DENND1A: variants seen among roughly 807,000 people sequenced by gnomAD.
DENND1A encodes the protein DENN domain containing 1A, also known as DENN domain-containing protein 1A.
DENND1A carries 51 observed loss-of-function variants against 113.7 expected under a neutral mutation model. The observed-to-expected ratio is 0.45, with a 90% CI of 0.36 to 0.57. The LOEUF is 0.57. Ranked by LOEUF, DENND1A falls within the 20% of genes least tolerant of loss-of-function variation. DENND1A has a pLI of 0.00. For synonymous variants in DENND1A, 565 were observed against 570.8 expected (o/e 0.99, Z 0.14); for missense variants, 1,258 against 1,395.9 (o/e 0.90, Z 1.57).
intron 2 of DENND1A, among the ~76,000 whole-genome samples, chr9:123,873,021 G>A (rs1846895744): frequency 6.6e-6 from 1 of 152,122 alleles, no homozygotes; most frequent in Admixed American, 6.5e-5. Flanking sequence ...AGATACTTTG[G>A]CACAGATCAG....
At chr9:123,739,552 T>A (rs920953491) in intron 5 of DENND1A, among the ~76,000 whole-genome samples, 5 of 152,156 alleles carry the variant, frequency 3.3e-5, no homozygotes, top group African/African-American at 9.7e-5. Flanking sequence ...AGCTTAGATA[T>A]GACTTGCAGC....
intron 2 of DENND1A, among the ~76,000 whole-genome samples, chr9:123,873,692 A>G (rs1044178531): frequency 5.9e-5 from 9 of 152,216 alleles, no homozygotes; most frequent in Non-Finnish European, 1.2e-4. Flanking sequence ...CATCCAATAG[A>G]AAACTAATAT....
intron 13 of DENND1A, among the ~76,000 whole-genome samples, chr9:123,474,000 T>C (rs1219581706): frequency 2.9e-5 from 4 of 137,506 alleles, no homozygotes; most frequent in Admixed American, 7.3e-5. Context: ...TTTTTTTTTT[T>C]TTTTTTTTTT....
intron 13 of DENND1A, among the ~76,000 whole-genome samples, chr9:123,527,407 G>A (rs1446681134): frequency 6.6e-6 from 1 of 152,162 alleles, no homozygotes; most frequent in Non-Finnish European, 1.5e-5. Context: ...TAAGCTTCAT[G>A]ATGTAGCTTA....
intron 1 of DENND1A, among the ~76,000 whole-genome samples, chr9:123,908,972 G>C (rs1853432745): frequency 1.3e-5 from 2 of 152,108 alleles, no homozygotes; most frequent in Admixed American, 1.3e-4. Context: ...TGATAGACTG[G>C]ATTAAGAAAA....
chr9:123,923,735 GT>G (rs1300239924), intron 1 of DENND1A, among the ~76,000 whole-genome samples: 1 of 151,952 alleles, frequency 6.6e-6, no homozygotes, highest in Non-Finnish European at 1.5e-5. Context: ...CTTTCTTTCA[GT>G]TCAAGTTCCA....
intron 2 of DENND1A, among the ~76,000 whole-genome samples, chr9:123,798,715 G>A (rs1834139041): frequency 7.4e-6 from 1 of 135,810 alleles, no homozygotes; most frequent in African/African-American, 2.8e-5. Context: ...AGGGTAGGGT[G>A]TGCTGGAGGC....
chr9:123,712,511 T>G (rs1281181597), intron 5 of DENND1A, among the ~76,000 whole-genome samples: 2 of 152,180 alleles, frequency 1.3e-5, no homozygotes, highest in Admixed American at 1.3e-4. Flanking sequence ...GATGGAGATT[T>G]AAAAAGACAA....
chr9:123,777,681 T>C (rs1830662184), intron 3 of DENND1A, among the ~76,000 whole-genome samples: 1 of 152,240 alleles, frequency 6.6e-6, no homozygotes, highest in Non-Finnish European at 1.5e-5. Context: ...GTAATATACC[T>C]AACCTTCTGC....
At chr9:123,555,886 G>A (rs2057387035) in intron 13 of DENND1A, among the ~76,000 whole-genome samples, 1 of 152,166 alleles carries the variant, frequency 6.6e-6, no homozygotes, top group Non-Finnish European at 1.5e-5. Context: ...CCAACAATGA[G>A]ATCACTGCAA....
chr9:123,654,537 G>A (rs1393926691), intron 8 of DENND1A, among the ~76,000 whole-genome samples: 1 of 152,106 alleles, frequency 6.6e-6, no homozygotes, highest in Non-Finnish European at 1.5e-5. Context: ...TGGATGGGAA[G>A]GAAACATTTC....
At position 123,466,358 on chromosome 9, in the gene DENND1A, G is replaced by A. The variant is rs926262842; in HGVS notation, c.994-8461C>T. 4.0e-5 allele frequency among the ~76,000 whole-genome samples: 6 copies of A among 151,658 alleles called. No homozygotes were observed. The East Asian group carries it at 7.7e-4, about 20-fold the overall frequency. ...TCTTTCTCCCAGGCAAGAGAGCAGC[G>A]ATGTGATCTCTGCTCACTGCAACCT... On this transcript the variant is annotated intron_variant, in intron 13 of 23. Coordinates refer to ENST00000394215, the MANE Select transcript of DENND1A (RefSeq NM_001352964.2).
At chr9:123,454,638 A>G in intron 16 of DENND1A, 101 bp downstream of exon 16, 8 of 1,188,486 alleles carry the variant, frequency 6.7e-6, no homozygotes, top group Non-Finnish European at 9.8e-6. Context: ...CAGCAGAGAG[A>G]ATGGAGTGCT....
intron 1 of DENND1A, among the ~76,000 whole-genome samples, chr9:123,916,021 C>G (rs1053839660): frequency 6.6e-6 from 1 of 152,078 alleles, no homozygotes; most frequent in Admixed American, 6.6e-5. Context: ...GACCCAAATT[C>G]CACTTGGAAA....
intron 2 of DENND1A, among the ~76,000 whole-genome samples, chr9:123,802,331 T>C (rs967782146): frequency 3.9e-5 from 6 of 152,002 alleles, no homozygotes; most frequent in African/African-American, 1.2e-4. Context: ...CCTTCCTTAC[T>C]CTCCAAAACC....
At chr9:123,771,411 A>T (rs1172618049) in intron 3 of DENND1A, among the ~76,000 whole-genome samples, 1 of 152,238 alleles carries the variant, frequency 6.6e-6, no homozygotes, top group African/African-American at 2.4e-5. Context: ...CAAGTTTTGA[A>T]TAGTAACAGA....
intron 12 of DENND1A, among the ~76,000 whole-genome samples, chr9:123,559,192 G>A (rs188460016): frequency 2.0e-5 from 3 of 152,260 alleles, no homozygotes; most frequent in East Asian, 1.9e-4. Flanking sequence ...CCCTGGCTTC[G>A]GTGGCGAAAA....
chr9:123,767,021 T>C (rs1828931800), intron 4 of DENND1A, among the ~76,000 whole-genome samples: 1 of 152,180 alleles, frequency 6.6e-6, no homozygotes, highest in Admixed American at 6.5e-5. Context: ...GGGGCATTAC[T>C]TGTCTCCCAG....
At chr9:123,584,826 C>T (rs78753192) in intron 11 of DENND1A, among the ~76,000 whole-genome samples, 307 of 152,250 alleles carry the variant, frequency 2.0e-3, no homozygotes, top group African/African-American at 7.3e-3. Flanking sequence ...CAGCCCTTGT[C>T]ACTCTGAGCC....
Sources: gnomAD v4.1 joint callset for allele counts (sites outside exome capture counted in the v4.1 genomes callset) on GRCh38, gnomAD v4.1.1 for gene constraint, MANE v1.5 for transcripts, NCBI Gene and HGNC (gene_info 2026-07-23, HGNC 2026-07-21) for gene names.